PDE10A: variants seen among roughly 807,000 people sequenced by gnomAD.
PDE10A encodes the protein cAMP and cAMP-inhibited cGMP 3',5'-cyclic phosphodiesterase 10A.
Under a neutral mutation model 97.7 loss-of-function variants are expected in PDE10A, and 39 were observed. That is an observed-to-expected ratio of 0.40 (90% confidence interval 0.31 to 0.52). PDE10A has a LOEUF of 0.52. Among genes scored for constraint, PDE10A ranks in the 20% least tolerant of loss-of-function variants. The pLI, the probability that PDE10A is intolerant of heterozygous loss-of-function variation, is 0.56. For missense variants in PDE10A, 731 were observed against 1,047.8 expected (o/e 0.70, Z 4.17); for synonymous variants, 371 against 376.8 (o/e 0.98, Z 0.18).
chr6:165,728,333 G>T (rs1174262888), intron 1 of PDE10A, among the ~76,000 whole-genome samples: 1 of 152,162 alleles, frequency 6.6e-6, no homozygotes, highest in Non-Finnish European at 1.5e-5. Context: ...TGGAGTGAGG[G>T]CACACATTTC....
chr6:165,599,642 G>T (rs536107149), intron 1 of PDE10A, among the ~76,000 whole-genome samples: 1 of 152,130 alleles, frequency 6.6e-6, no homozygotes, highest in South Asian at 2.1e-4. Flanking sequence ...AGAATACCTC[G>T]TAACAGTAAG....
At chr6:165,980,542 G>A (rs1784983087) in intron 1 of PDE10A, among the ~76,000 whole-genome samples, 2 of 152,202 alleles carry the variant, frequency 1.3e-5, no homozygotes, top group Admixed American at 6.5e-5. Context: ...CCAGGACACA[G>A]GTAAGTGGAT....
At chr6:165,879,245 T>C (rs1266026760) in intron 1 of PDE10A, among the ~76,000 whole-genome samples, 1 of 152,232 alleles carries the variant, frequency 6.6e-6, no homozygotes, top group East Asian at 1.9e-4. Flanking sequence ...TGGCCACCAA[T>C]GTATTACTTG....
At chr6:165,721,238 T>G (rs993636564) in intron 1 of PDE10A, among the ~76,000 whole-genome samples, 10 of 152,198 alleles carry the variant, frequency 6.6e-5, no homozygotes, top group African/African-American at 1.9e-4. Flanking sequence ...CAACTTCCAG[T>G]GTGAAGTGTT....
At chr6:165,412,030 ATTT>A (rs148655360) in intron 13 of PDE10A, among the ~76,000 whole-genome samples, 4 of 150,204 alleles carry the variant, frequency 2.7e-5, no homozygotes, top group African/African-American at 9.7e-5. Flanking sequence ...AAAGTTTTCA[ATTT>A]TTTTTTTATT....
chr6:165,777,183 TAGC>T (rs1414809604), intron 1 of PDE10A, among the ~76,000 whole-genome samples: 1 of 151,946 alleles, frequency 6.6e-6, no homozygotes, highest in Non-Finnish European at 1.5e-5. Flanking sequence ...CGGGGCAGAG[TAGC>T]TGGGAAGAGG....
intron 1 of PDE10A, among the ~76,000 whole-genome samples, chr6:165,640,675 G>A (rs985652879): frequency 6.6e-6 from 1 of 152,234 alleles, no homozygotes; most frequent in African/African-American, 2.4e-5. Context: ...CTATCTGGAT[G>A]TCAAGTGATT....
chr6:165,693,910 G>T (rs1396655839), intron 1 of PDE10A, among the ~76,000 whole-genome samples: 4 of 152,062 alleles, frequency 2.6e-5, no homozygotes, highest in African/African-American at 7.3e-5. Context: ...CACAGTTTTA[G>T]AAGTTTTTTT....
At chr6:165,797,885 GT>G (rs545693952) in intron 1 of PDE10A, among the ~76,000 whole-genome samples, 4 of 152,100 alleles carry the variant, frequency 2.6e-5, no homozygotes, top group African/African-American at 7.2e-5. Context: ...TTCATTATGA[GT>G]TTTTTTGTTG....
At chr6:165,423,322 C>G (rs969844394) in intron 10 of PDE10A, among the ~76,000 whole-genome samples, 22 of 152,186 alleles carry the variant, frequency 1.4e-4, no homozygotes, top group African/African-American at 5.1e-4. Flanking sequence ...AAAGTACCTA[C>G]AAATTTATAA....
intron 18 of PDE10A, among the ~76,000 whole-genome samples, chr6:165,356,787 ATTCGCTT>A (rs1783055566): frequency 5.3e-5 from 8 of 152,204 alleles, no homozygotes; most frequent in Admixed American, 2.6e-4. Context: ...AACTTGCTTA[ATTCGCTT>A]ATTAATTCTA....
chr6:165,782,305 T>A (rs1778361531), intron 1 of PDE10A, among the ~76,000 whole-genome samples: 2 of 152,246 alleles, frequency 1.3e-5, no homozygotes. Context: ...CTGATTTAAG[T>A]CTGCTCACAG....
chr6:165,347,762 T>C (rs762771526), intron 18 of PDE10A, among the ~76,000 whole-genome samples: 2 of 152,188 alleles, frequency 1.3e-5, no homozygotes, highest in African/African-American at 2.4e-5. Context: ...GAGGCCTTTA[T>C]GCACTTACAG....
intron 1 of PDE10A, among the ~76,000 whole-genome samples, chr6:165,690,712 T>G (rs1791248109): frequency 6.6e-6 from 1 of 152,224 alleles, no homozygotes; most frequent in Non-Finnish European, 1.5e-5. Context: ...TCCAAGGCAT[T>G]CACACAAGCT....
chr6:165,601,096 G>A (rs114338803), intron 1 of PDE10A, among the ~76,000 whole-genome samples: 2,359 of 152,270 alleles, frequency 0.015, 59 homozygotes, highest in Middle Eastern at 0.054. Flanking sequence ...GGTCTTTCCC[G>A]TGCTACTCTC....
intron 1 of PDE10A, among the ~76,000 whole-genome samples, chr6:165,942,323 C>G (rs1783552611): frequency 6.6e-6 from 1 of 151,568 alleles, no homozygotes; most frequent in African/African-American, 2.4e-5. Context: ...TATATGCGCA[C>G]ACACACACAC....
At chr6:165,880,468 A>C (rs1277878832) in intron 1 of PDE10A, among the ~76,000 whole-genome samples, 1 of 152,192 alleles carries the variant, frequency 6.6e-6, no homozygotes, top group African/African-American at 2.4e-5. Context: ...CAGAATTCAA[A>C]ATGCAAGGAT....
intron 5 of PDE10A, among the ~76,000 whole-genome samples, chr6:165,435,644 G>C (rs1470016351): frequency 6.6e-6 from 1 of 152,100 alleles, no homozygotes; most frequent in Non-Finnish European, 1.5e-5. Context: ...CTCCTATTTT[G>C]ATACACAGAA....
At chr6:165,615,221 AAAG>A (rs570633449) in intron 1 of PDE10A, among the ~76,000 whole-genome samples, 14,624 of 118,872 alleles carry the variant, frequency 0.12, 692 homozygotes, top group Non-Finnish European at 0.14. Flanking sequence ...GAAAAAAAAA[AAAG>A]AAAGAAAGAA....
Sources: gnomAD v4.1 joint callset for allele counts (sites outside exome capture counted in the v4.1 genomes callset) on GRCh38, gnomAD v4.1.1 for gene constraint, MANE v1.5 for transcripts, NCBI Gene and HGNC (gene_info 2026-07-23, HGNC 2026-07-21) for gene names.